The following DOCK1 variants were observed in gnomAD, a reference collection of about 807,000 sequenced individuals.
DOCK1 encodes the protein dedicator of cytokinesis 1.
A neutral mutation model predicts 262.7 loss-of-function variants in DOCK1; 138 were observed. That is an observed-to-expected ratio of 0.53 (90% CI 0.46 to 0.61). The LOEUF (loss-of-function observed/expected upper bound fraction) is 0.61, where lower values mean the gene tolerates loss of function less well. Ranked by LOEUF, DOCK1 falls within the 20% of genes least tolerant of loss-of-function variation. The pLI is 0.00. For missense variants in DOCK1, 1,908 were observed against 2,370.7 expected (o/e 0.80, Z 4.05); for synonymous variants, 866 against 867.4 (o/e 1.00, Z 0.03).
chr10:127,416,187 T>C (rs2068140503), intron 44 of DOCK1, among the ~76,000 whole-genome samples: 1 of 152,204 alleles, frequency 6.6e-6, no homozygotes, highest in Non-Finnish European at 1.5e-5. Flanking sequence ...CACCCAGGGC[T>C]CTTCACCTAC....
intron 23 of DOCK1, among the ~76,000 whole-genome samples, chr10:127,070,848 C>T (rs2046188084): frequency 6.6e-6 from 1 of 151,926 alleles, no homozygotes; most frequent in Non-Finnish European, 1.5e-5. Context: ...TTGTGGGTCC[C>T]TGGCCATATA....
intron 51 of DOCK1, among the ~76,000 whole-genome samples, chr10:127,448,033 G>T (rs1346842727): frequency 1.3e-5 from 2 of 152,196 alleles, no homozygotes; most frequent in South Asian, 4.1e-4. Flanking sequence ...CTCACCTGGT[G>T]CTGGGAGCTC....
intron 1 of DOCK1, among the ~76,000 whole-genome samples, chr10:126,950,162 G>T (rs1389549877): frequency 6.6e-6 from 1 of 152,090 alleles, no homozygotes; most frequent in African/African-American, 2.4e-5. Context: ...GAAGCAGTCA[G>T]TGGCTGTTCC....
rs567646643 is a variant in DOCK1, at chr10:127,193,252, A to G, written c.2848-54756A>G. Among the ~76,000 whole-genome samples, 588 of 152,274 alleles carry G rather than the reference A, an allele frequency of 3.9e-3. 5 individuals are homozygous for G. The highest frequency in any genetic ancestry group is 0.013 in the African/African-American group (550 of 41,556). ...AAAGACTGTTGAAAATGACGATGAC[A>G]CTGGTTTTATCTGGGGAGTTTTTAT... On this transcript the variant is annotated intron_variant, in intron 27 of 51. Coordinates refer to ENST00000623213, the MANE Select transcript of DOCK1 (RefSeq NM_001290223.2).
rs1053904668 is a variant in DOCK1 at position 126,949,491 on chromosome 10, A to T, written c.47-21211A>T. Among the ~76,000 whole-genome samples the T allele has an allele frequency of 8.5e-5, 13 of 152,066 alleles. No homozygotes were observed. The East Asian group carries it at 1.4e-3, about 16-fold the overall frequency. On this transcript the variant is annotated intron_variant, in intron 1 of 51. Coordinates refer to ENST00000623213, the MANE Select transcript of DOCK1 (RefSeq NM_001290223.2). Reference sequence around the variant, plus strand: ...GAGGGAGGGTTGGTCCTATGATGAGACCCATTCTTGTGAATTCCTTTTTCC... The same window carrying T: ...GAGGGAGGGTTGGTCCTATGATGAGTCCCATTCTTGTGAATTCCTTTTTCC...
intron 27 of DOCK1, among the ~76,000 whole-genome samples, chr10:127,160,807 C>T (rs755074700): frequency 6.6e-6 from 1 of 152,206 alleles, no homozygotes; most frequent in African/African-American, 2.4e-5. Flanking sequence ...AGTTTGATCT[C>T]TCTTGTTCTT....
intron 48 of DOCK1, among the ~76,000 whole-genome samples, chr10:127,433,772 A>G (rs1293253180): frequency 1.3e-5 from 2 of 151,838 alleles, no homozygotes; most frequent in East Asian, 3.9e-4. Flanking sequence ...GATGGCTTTG[A>G]ATGTGGCCCA....
chr10:127,271,435 T>C (rs1050872188), intron 29 of DOCK1, among the ~76,000 whole-genome samples: 2 of 152,254 alleles, frequency 1.3e-5, no homozygotes, highest in African/African-American at 4.8e-5. Flanking sequence ...ACTTAAATTT[T>C]TAAAAATTCA....
At chr10:127,110,847 A>G (rs1592066788) in intron 25 of DOCK1, among the ~76,000 whole-genome samples, 1 of 152,268 alleles carries the variant, frequency 6.6e-6, no homozygotes, top group East Asian at 1.9e-4. Flanking sequence ...ATATTTCCCT[A>G]TGTTATCTCC....
chr10:127,361,147 T>C (rs1319820238), intron 32 of DOCK1, among the ~76,000 whole-genome samples: 2 of 140,298 alleles, frequency 1.4e-5, no homozygotes, highest in Non-Finnish European at 3.0e-5. Context: ...AGAGTCTTGC[T>C]CTGTCGCCCA....
chr10:127,321,375 T>C (rs2062519244), intron 29 of DOCK1, among the ~76,000 whole-genome samples: 2 of 143,448 alleles, frequency 1.4e-5, no homozygotes, highest in Non-Finnish European at 3.0e-5. Context: ...ATTTTTTTTT[T>C]CTTCTGCCCG....
Position 127,372,506 on chromosome 10 carries a change from C to T in DOCK1, c.3433-1275C>T, listed in dbSNP as rs1367373933. Among the ~76,000 whole-genome samples the T allele has an allele frequency of 3.3e-5, 5 of 152,218 alleles. No individual in the cohort carries two copies. The East Asian group carries it at 9.6e-4, about 29-fold the overall frequency. Reference sequence around the variant, plus strand: ...CTTTATCCAGTCTAAGCACTTTAATCCAATCTAAGTTGGTCTAAGACCAAC... The same window carrying T: ...CTTTATCCAGTCTAAGCACTTTAATTCAATCTAAGTTGGTCTAAGACCAAC... On this transcript the variant is annotated intron_variant, in intron 33 of 51. Coordinates refer to ENST00000623213, the MANE Select transcript of DOCK1 (RefSeq NM_001290223.2).
At chr10:126,987,357 T>A (rs551073480) in intron 4 of DOCK1, among the ~76,000 whole-genome samples, 164 bp from the exon 5 acceptor site, 1 of 152,336 alleles carries the variant, frequency 6.6e-6, no homozygotes, top group Admixed American at 6.5e-5. Context: ...TTGTCATTCG[T>A]AGAGACGTAT....
intron 23 of DOCK1, among the ~76,000 whole-genome samples, chr10:127,068,998 C>T (rs2135904367): frequency 6.6e-6 from 1 of 152,318 alleles, no homozygotes; most frequent in African/African-American, 2.4e-5. Context: ...CTTGGCTGAC[C>T]TCTCTGTCTA....
chr10:127,410,691 G>A, intron 42 of DOCK1, 149 bp from the exon 43 acceptor site: 1 of 607,910 alleles, frequency 1.6e-6, no homozygotes, highest in Non-Finnish European at 2.7e-6. Flanking sequence ...TTCCCTGGCT[G>A]GGAGAGGACA....
At chr10:127,419,292 T>C (rs2068354470) in intron 45 of DOCK1, among the ~76,000 whole-genome samples, 1 of 152,146 alleles carries the variant, frequency 6.6e-6, no homozygotes, top group South Asian at 2.1e-4. Flanking sequence ...ACAAAGAAGT[T>C]TGTTGCCTTC....
intron 11 of DOCK1, among the ~76,000 whole-genome samples, chr10:127,010,099 CTT>C (rs35078789): frequency 0.11 from 16,108 of 152,222 alleles, 993 homozygotes; most frequent in Middle Eastern, 0.14. Context: ...GCAAAGGTCT[CTT>C]TGTGGCTTAA....
At chr10:127,343,609 T>C (rs1197966968) in intron 30 of DOCK1, 37 bp from the exon 31 acceptor site, 8 of 1,512,388 alleles carry the variant, frequency 5.3e-6, no homozygotes, top group Non-Finnish European at 7.3e-6. Context: ...TATCAAGCTG[T>C]TCAACAACTT....
intron 29 of DOCK1, among the ~76,000 whole-genome samples, chr10:127,278,250 A>G (rs2060816668): frequency 6.6e-6 from 1 of 152,276 alleles, no homozygotes; most frequent in African/African-American, 2.4e-5. Flanking sequence ...TTAAAAGGAA[A>G]GAGAGGGAAA....
Sources: allele counts gnomAD v4.1 joint callset (sites outside exome capture counted in the v4.1 genomes callset), GRCh38; gene constraint gnomAD v4.1.1; transcripts MANE v1.5; gene names NCBI Gene and HGNC (gene_info 2026-07-23, HGNC 2026-07-21).